POU3F3: variants seen among roughly 807,000 people sequenced by gnomAD.
The protein encoded by POU3F3 is POU class 3 homeobox 3.
In POU3F3, 1 loss-of-function variant was observed where a neutral mutation model predicts 8.6. The ratio of observed to expected loss-of-function variants is 0.12; its 90% CI spans 0.04 to 0.55. The LOEUF is 0.55. Among genes scored for constraint, POU3F3 ranks in the 20% least tolerant of loss-of-function variants. POU3F3 has a pLI of 0.91. For missense variants in POU3F3, 577 were observed against 690.7 expected (o/e 0.84, Z 1.84); for synonymous variants, 418 against 327.4 (o/e 1.28, Z -2.99).
chr2:104,877,708 G>A, the POU3F3 span, among the ~76,000 whole-genome samples: 1 of 150,358 alleles, frequency 6.7e-6, no homozygotes, highest in Non-Finnish European at 1.5e-5. Flanking sequence ...CGCCAGGCTG[G>A]AGTGCAGTGG....
At chr2:104,863,159 AATTATTATTATTATTATT>A (rs3056838), downstream of POU3F3, among the ~76,000 whole-genome samples, 757 of 134,836 alleles carry the variant, frequency 5.6e-3, 4 homozygotes, top group African/African-American at 0.019. Flanking sequence ...TCATAATAAC[AATTATTATTATTATTATT>A]ATTATTATTA....
rs1236038203 is a variant in POU3F3, at chr2:104,857,061, G to A, written c.*48G>A. 7.4e-7 allele frequency: 1 copy of A among 1,347,852 alleles called. No individual in the cohort carries two copies. The highest frequency in any genetic ancestry group is 9.6e-7 in the Non-Finnish European group (1 of 1,042,108). The allele number at this position is 1,347,852 out of a possible 1,614,324, so 83.5% of individuals were successfully genotyped here. A position where few individuals can be genotyped will look rare whatever the true frequency, so the allele number is the denominator to read the frequency against. ...GGCCGCCGCCGCCGCCGCCTCCGCA[G>A]CCGCCGTCAGCACCGCCGCCGCCCC... On this transcript the variant is annotated 3_prime_UTR_variant, in exon 1 of 1. Transcript: ENST00000361360.
chr2:104,920,436 G>A, the POU3F3 span, among the ~76,000 whole-genome samples: 2 of 152,138 alleles, frequency 1.3e-5, no homozygotes, highest in African/African-American at 4.8e-5. Context: ...TATCTCCAAT[G>A]TGAATTTATC....
the POU3F3 span, among the ~76,000 whole-genome samples, chr2:104,912,337 C>T: frequency 1.3e-5 from 2 of 152,206 alleles, no homozygotes; most frequent in Non-Finnish European, 2.9e-5. Flanking sequence ...GCATCATTGG[C>T]CACTCCGCCC....
chr2:104,872,059 AAC>A, the POU3F3 span, among the ~76,000 whole-genome samples: 3 of 151,032 alleles, frequency 2.0e-5, no homozygotes, highest in East Asian at 2.0e-4. This position sits in a 1 kb window ranked among gnomAD's most constrained non-coding sequence, Gnocchi z 4.6. Context: ...CCCACCCCCG[AAC>A]ACACACACAC....
At chr2:104,905,258 CTATTA>C in the POU3F3 span, among the ~76,000 whole-genome samples, 2 of 152,222 alleles carry the variant, frequency 1.3e-5, no homozygotes, top group African/African-American at 2.4e-5. Context: ...AAATTTCATT[CTATTA>C]TAAGAGTAAT....
At chr2:104,877,134 G>A in the POU3F3 span, among the ~76,000 whole-genome samples, 40 of 152,278 alleles carry the variant, frequency 2.6e-4, 1 homozygote, top group East Asian at 7.7e-3. Context: ...AAAGGGTTAT[G>A]TTTGGGGGCG....
the POU3F3 span, among the ~76,000 whole-genome samples, chr2:104,927,648 T>A: frequency 1.5e-5 from 1 of 68,854 alleles, no homozygotes; most frequent in African/African-American, 7.7e-5. Flanking sequence ...GTCTGAAAGC[T>A]GGGGCGGGGG....
chr2:104,920,645 C>T, the POU3F3 span, among the ~76,000 whole-genome samples: 90 of 152,236 alleles, frequency 5.9e-4, no homozygotes, highest in Non-Finnish European at 8.7e-4. Flanking sequence ...CCTGCAATTT[C>T]TGAGTCTTTG....
At chr2:104,866,324 A>G in the POU3F3 span, 1 of 152,160 alleles carries the variant, frequency 6.6e-6, no homozygotes, top group African/African-American at 2.4e-5. Context: ...GTATTTACAT[A>G]TGTACCTGAT....
the POU3F3 span, among the ~76,000 whole-genome samples, chr2:104,881,276 A>C: frequency 6.6e-6 from 1 of 151,228 alleles, no homozygotes; most frequent in East Asian, 1.9e-4. Flanking sequence ...TCTTACCTCC[A>C]CCCCCTCAGT....
the POU3F3 span, among the ~76,000 whole-genome samples, chr2:104,870,694 A>G: frequency 1.1e-3 from 161 of 152,258 alleles, no homozygotes; most frequent in African/African-American, 3.8e-3. Flanking sequence ...AAGAATCCCT[A>G]CTAACTGCCC....
downstream of POU3F3, among the ~76,000 whole-genome samples, chr2:104,860,715 T>C (rs887487730): frequency 6.8e-6 from 1 of 147,382 alleles, no homozygotes; most frequent in African/African-American, 2.5e-5. Context: ...TCATTCAAGG[T>C]GTATTGAAAA....
chr2:104,860,857 C>A, downstream of POU3F3, among the ~76,000 whole-genome samples: 1 of 148,252 alleles, frequency 6.7e-6, no homozygotes. Flanking sequence ...CCTTTGCTGC[C>A]CTGTAGCCTC....
rs1007350046 is a variant in POU3F3 at position 104,855,011 on chromosome 2, C to T, written c.-500C>T. ...CCCGCGACCGGGCAGAGTCCGGGCT[C>T]GCCCGAGGACAGGAGGAGGAGCGGG... On this transcript the variant is annotated 5_prime_UTR_variant, in exon 1 of 1. Coordinates refer to ENST00000361360, the MANE Select transcript of POU3F3 (RefSeq NM_006236.3). Among the ~76,000 whole-genome samples the T allele has an allele frequency of 1.3e-5, 2 of 152,134 alleles. No homozygotes were observed. The highest frequency in any genetic ancestry group is 2.4e-5 in the African/African-American group (1 of 41,442).
the POU3F3 span, among the ~76,000 whole-genome samples, chr2:104,900,537 C>A: frequency 2.0e-5 from 3 of 152,176 alleles, no homozygotes; most frequent in Admixed American, 2.0e-4. Context: ...CCCAGCCTTC[C>A]TACTCTTCTC....
the POU3F3 span, chr2:104,872,313 C>T: frequency 2.2e-6 from 1 of 456,744 alleles, no homozygotes; most frequent in East Asian, 7.0e-5. The surrounding 1 kb of genome is among the most constrained non-coding windows in gnomAD (Gnocchi z 4.6). Flanking sequence ...TTTGAAACCA[C>T]ATTTTATCAA....
At chr2:104,867,147 G>T in the POU3F3 span, 1 of 152,324 alleles carries the variant, frequency 6.6e-6, no homozygotes, top group African/African-American at 2.4e-5. The surrounding 1 kb of genome is among the most constrained non-coding windows in gnomAD (Gnocchi z 5.0). Context: ...CAGAAAGCCC[G>T]TTCTTCCAGG....
At chr2:104,864,120 G>T in the POU3F3 span, among the ~76,000 whole-genome samples, 1 of 152,204 alleles carries the variant, frequency 6.6e-6, no homozygotes, top group Non-Finnish European at 1.5e-5. Context: ...CCCCGTCTCC[G>T]CCCGAGGACT....
Sources: gnomAD v4.1 joint callset for allele counts (sites outside exome capture counted in the v4.1 genomes callset) on GRCh38, gnomAD v4.1.1 for gene constraint, Gnocchi (gnomAD v3.1) non-coding constraint, MANE v1.5 for transcripts, NCBI Gene and HGNC (gene_info 2026-07-23, HGNC 2026-07-21) for gene names.